MTTP: variants seen among roughly 807,000 people sequenced by gnomAD.
The protein encoded by MTTP is microsomal triglyceride transfer protein.
Under a neutral mutation model 90.6 loss-of-function variants are expected in MTTP, and 49 were observed. The ratio of observed to expected loss-of-function variants is 0.54; its 90% CI spans 0.43 to 0.69. The LOEUF (loss-of-function observed/expected upper bound fraction) is 0.69. MTTP is among the 30% of genes least tolerant of loss of function. The pLI is 0.00. For missense variants in MTTP, 945 were observed against 1,067.5 expected (o/e 0.89, Z 1.60); for synonymous variants, 347 against 384.2 (o/e 0.90, Z 1.13).
At chr4:99,607,611 G>A (rs573271579) in intron 11 of MTTP, among the ~76,000 whole-genome samples, 17 of 152,208 alleles carry the variant, frequency 1.1e-4, no homozygotes, top group Admixed American at 2.0e-4. Flanking sequence ...AAAGGTAAAG[G>A]GAAATGAAAT....
At position 99,597,069 on chromosome 4, in the gene MTTP, C is replaced by G. The variant is rs751653496; in HGVS notation, c.912C>G (p.Leu304=). ...AGCCTGCAGTGTATGTTTTGCAGCT[C>G]TCGGAGCTCTGGCGGTCCACCAGGA... ...FQSHCKGCPS[L]SELWRSTRKY... Residue 304 remains leucine (L), a splice_region_variant and synonymous_variant, in exon 8 of 18, where the codon CTC becomes CTG. Coordinates refer to ENST00000265517, the MANE Select transcript of MTTP (RefSeq NM_001386140.1). 1 of 1,613,796 alleles carries G rather than the reference C, an allele frequency of 6.2e-7. No individual in the cohort carries two copies. Among genetic ancestry groups the G allele is most frequent in the South Asian group, 1.1e-5 (1 of 91,054 alleles).
chr4:99,595,437 A>T (rs995066418), intron 7 of MTTP: 16 of 162,444 alleles, frequency 9.8e-5, no homozygotes, highest in Admixed American at 1.7e-4. Context: ...CCAACAAAGA[A>T]AATTTTCCTT....
rs764452361 is a variant in MTTP, at chr4:99,583,441, G to T, written c.317G>T (p.Ser106Ile). ...GAGAAGAGCATCTTCAAAGGAAAAA[G>T]CCCATCTAAAATAATGGGAAAGGAA... The part of the protein sequence containing the change: ...RGEKSIFKGK[S>I]PSKIMGKENL... Residue 106 changes from serine to isoleucine, a missense_variant, in exon 3 of 18, where the codon AGC becomes ATC. Ser to Ile is a moderately radical substitution (Grantham distance 142). Coordinates refer to ENST00000265517, the MANE Select transcript of MTTP (RefSeq NM_001386140.1). 3.1e-6 allele frequency: 5 copies of T among 1,613,344 alleles called. No individual in the cohort carries two copies. The highest frequency in any genetic ancestry group is 1.1e-5 in the South Asian group (1 of 91,056).
chr4:99,607,343 T>C (rs1413658085), intron 11 of MTTP, among the ~76,000 whole-genome samples: 1 of 152,228 alleles, frequency 6.6e-6, no homozygotes. Flanking sequence ...AAACCTTTGT[T>C]AGGGCAGAGA....
intron 7 of MTTP, 30 bp from the exon 8 acceptor site, chr4:99,597,037 G>T: frequency 1.2e-6 from 2 of 1,612,510 alleles, no homozygotes; most frequent in Non-Finnish European, 8.5e-7. Flanking sequence ...GTTATGAGTG[G>T]GGTATGAGCC....
chr4:99,591,927 T>G, intron 6 of MTTP, 137 bp downstream of exon 6: 1 of 825,186 alleles, frequency 1.2e-6, no homozygotes, highest in Non-Finnish European at 1.9e-6. Flanking sequence ...GGGAATAAGT[T>G]CTGAGAAAAG....
intron 16 of MTTP, among the ~76,000 whole-genome samples, chr4:99,619,507 GT>G (rs1726180009): frequency 6.6e-6 from 1 of 152,112 alleles, no homozygotes; most frequent in African/African-American, 2.4e-5. Flanking sequence ...GAGTCCTTAA[GT>G]CTTTTCATCA....
chr4:99,566,158 G>A (rs28431971), intron 1 of MTTP, among the ~76,000 whole-genome samples: 39,782 of 151,422 alleles, frequency 0.26, 5,397 homozygotes, highest in South Asian at 0.34. Flanking sequence ...GCGTGGTGGC[G>A]GGCGCCTGTA....
At chr4:99,614,035 C>T (rs1168671992) in intron 15 of MTTP, among the ~76,000 whole-genome samples, 5 of 152,230 alleles carry the variant, frequency 3.3e-5, no homozygotes, top group South Asian at 4.1e-4. Flanking sequence ...TCACTGTGTA[C>T]TCTAATTCAT....
intron 6 of MTTP, among the ~76,000 whole-genome samples, chr4:99,592,792 A>C (rs1725464255): frequency 6.6e-6 from 1 of 152,222 alleles, no homozygotes; most frequent in Non-Finnish European, 1.5e-5. Context: ...TTTTTTAATA[A>C]GTAGAAGAAG....
rs763469864 is a variant in MTTP at position 99,606,749 on chromosome 4, C to T, written c.1346C>T (p.Ala449Val). 1.2e-6 allele frequency: 2 copies of T among 1,612,792 alleles called. No individual in the cohort carries two copies. Among genetic ancestry groups the T allele is most frequent in the African/African-American group, 2.7e-5 (2 of 74,812 alleles). ...LCQNEGCKLK[A>V]VVEAKKLILG... is the part of the protein sequence containing the mutation. ...TATCTAAGGTATATGATTTTTCAGG[C>T]AGTAGTGGAAGCTAAGAAGTTAATC... is the stretch of plus-strand genomic sequence containing the variant. Residue 449 changes from alanine to valine, a missense_variant and splice_region_variant, in exon 11 of 18, where the codon GCA becomes GTA. Ala to Val is a moderately conservative substitution (Grantham distance 64). Coordinates refer to ENST00000265517, the MANE Select transcript of MTTP (RefSeq NM_001386140.1).
intron 12 of MTTP, 143 bp downstream of exon 12, chr4:99,609,120 G>C (rs1725892718): frequency 1.3e-6 from 1 of 780,280 alleles, no homozygotes; most frequent in Admixed American, 2.1e-5. Context: ...TCCCATAATA[G>C]GGCTATTTAG....
At chr4:99,617,023 A>G (rs79505931) in intron 15 of MTTP, among the ~76,000 whole-genome samples, 5,800 of 152,288 alleles carry the variant, frequency 0.038, 145 homozygotes, top group African/African-American at 0.052. Flanking sequence ...AAAGAAAGGA[A>G]TATTTCTGAG....
At chr4:99,576,201 T>C (rs1724952728) in intron 1 of MTTP, among the ~76,000 whole-genome samples, 1 of 152,216 alleles carries the variant, frequency 6.6e-6, no homozygotes, top group East Asian at 1.9e-4. Context: ...GAGAGTGTTA[T>C]ATAGAGGACT....
At chr4:99,570,521 G>T (rs1462842433), upstream of MTTP, among the ~76,000 whole-genome samples, 1 of 151,884 alleles carries the variant, frequency 6.6e-6, no homozygotes, top group Non-Finnish European at 1.5e-5. Flanking sequence ...TCCTGCTTAA[G>T]ACTTATTGAG....
At chr4:99,564,348 T>C in intron 1 of MTTP, 1 of 1,022,496 alleles carries the variant, frequency 9.8e-7, no homozygotes, top group Non-Finnish European at 1.4e-6. Flanking sequence ...ATCTCTTGCC[T>C]ATATTATTTT....
rs1369245957 is a variant in MTTP at position 99,611,374 on chromosome 4, A to G, written c.1910A>G (p.Tyr637Cys). Residue 637 changes from tyrosine to cysteine, a missense_variant, in exon 14 of 18, where the codon TAC (tyrosine) becomes TGC (cysteine). Coordinates refer to ENST00000265517, the MANE Select transcript of MTTP (RefSeq NM_001386140.1). ...SASTYSLDIL[Y>C]SGSGILRRSN... The stretch of plus-strand genomic sequence containing the variant: ...TCTACTTACAGCCTAGACATTCTCT[A>G]CTCGGGTTCTGGCATTCTAAGGAGA... 6.2e-7 allele frequency: 1 copy of G among 1,613,766 alleles called. No homozygotes were observed. Among genetic ancestry groups the G allele is most frequent in the Non-Finnish European group, 8.5e-7 (1 of 1,179,878 alleles).
At chr4:99,597,290 A>G (rs926085237) in intron 8 of MTTP, 66 bp downstream of exon 8, 6 of 1,577,700 alleles carry the variant, frequency 3.8e-6, no homozygotes, top group Non-Finnish European at 5.2e-6. Context: ...GGTTTTTTGA[A>G]GTAAGAAAGA....
chr4:99,613,148 A>T lies in MTTP; in HGVS notation c.2217+8A>T. 1 of 1,607,634 alleles carries T rather than the reference A, an allele frequency of 6.2e-7. No individual in the cohort carries two copies. The highest frequency in any genetic ancestry group is 8.5e-7 in the Non-Finnish European group (1 of 1,175,238). On this transcript the variant is annotated splice_region_variant and intron_variant, in intron 15 of 17. Transcript: ENST00000265517. The stretch of plus-strand genomic sequence containing the variant: ...CTAATAGATCATTCTCAGGTAATTC[A>T]TTCAGTCTGTGAGTATTTATTGAGT...
Sources: allele counts gnomAD v4.1 joint callset (sites outside exome capture counted in the v4.1 genomes callset), GRCh38; gene constraint gnomAD v4.1.1; transcripts MANE v1.5; gene names NCBI Gene and HGNC (gene_info 2026-07-23, HGNC 2026-07-21).